Variants in NFKB1 observed in about 807,000 individuals in gnomAD.
The protein encoded by NFKB1 is nuclear factor NF-kappa-B p105 subunit.
Under a neutral mutation model 105.1 loss-of-function variants are expected in NFKB1, and 9 were observed. That is an observed-to-expected ratio of 0.09 (90% CI 0.05 to 0.15). NFKB1 has a LOEUF of 0.15. NFKB1 is among the 10% of genes least tolerant of loss of function. The probability of loss-of-function intolerance (pLI) is 1.00; values close to 1 mark genes in which losing one functional copy is unlikely to be tolerated. For missense variants in NFKB1, 830 were observed against 1,203.7 expected, an observed-to-expected ratio of 0.69 and a Z score of 4.59; for synonymous variants, 440 against 442.2, an observed-to-expected ratio of 1.00 and a Z score of 0.06.
chr4:102,596,377 G>T, intron 14 of NFKB1, 45 bp downstream of exon 14: 2 of 1,524,286 alleles, frequency 1.3e-6, no homozygotes, highest in Non-Finnish European at 1.8e-6. Context: ...GCTGGGGAGG[G>T]GTCAGTCCTA....
In NFKB1 at chr4:102,617,086, TTC is replaced by T. The variant is rs1729006007; in HGVS notation, c.*496_*497del. ...ATATTGCTTTTTCTAATGTGGTTAT[TTC>T]TCTGATTTGCAAAAAAAAAAAAAAA... On this transcript the variant is annotated 3_prime_UTR_variant, in exon 24 of 24. Transcript: ENST00000226574. 1 of 131,376 alleles carries T rather than the reference TTC, an allele frequency of 7.6e-6. No homozygotes were observed. Among genetic ancestry groups the T allele is most frequent in the Non-Finnish European group, 1.6e-5 (1 of 63,104 alleles). The allele number at this position is 131,376 out of a possible 1,614,324, so 8.1% of individuals were successfully genotyped here.
rs1017952420 is a variant in NFKB1, at chr4:102,508,790, G to A, written c.-8+7002G>A. Among the ~76,000 whole-genome samples, 38 of 152,194 alleles carry A rather than the reference G, an allele frequency of 2.5e-4. No individual in the cohort carries two copies. The Middle Eastern group carries it at 0.014, about 54-fold the overall frequency. ...ATAATGAAAGCATAAAGATTTAGGG[G>A]GAAGAGTCCTCTATAAAACTAAGAC... On this transcript the variant is annotated intron_variant, in intron 1 of 23. Coordinates refer to ENST00000226574, the MANE Select transcript of NFKB1 (RefSeq NM_003998.4).
At chr4:102,565,777 C>A (rs1723815668) in intron 5 of NFKB1, among the ~76,000 whole-genome samples, 2 of 151,914 alleles carry the variant, frequency 1.3e-5, no homozygotes, top group African/African-American at 4.8e-5. Flanking sequence ...AAGCTGTGGG[C>A]TGCTTGTACA....
chr4:102,530,700 A>G (rs1233887626), intron 3 of NFKB1, among the ~76,000 whole-genome samples: 2 of 152,148 alleles, frequency 1.3e-5, no homozygotes, highest in African/African-American at 2.4e-5. Flanking sequence ...GCTTGTCTTC[A>G]TTGGGGGACT....
At chr4:102,592,008 G>A (rs140709713) in intron 11 of NFKB1, among the ~76,000 whole-genome samples, 63 of 152,188 alleles carry the variant, frequency 4.1e-4, no homozygotes, top group Non-Finnish European at 7.9e-4. Flanking sequence ...GACATTGAGG[G>A]GTTCAAGGCT....
chr4:102,522,898 C>T (rs1003803347), intron 1 of NFKB1, among the ~76,000 whole-genome samples: 4 of 152,108 alleles, frequency 2.6e-5, no homozygotes, highest in Non-Finnish European at 5.9e-5. Context: ...AATGTTTTTA[C>T]TAGTATTCTT....
intron 1 of NFKB1, among the ~76,000 whole-genome samples, chr4:102,507,071 TATA>T (rs1212985603): frequency 6.7e-6 from 1 of 150,364 alleles, no homozygotes; most frequent in African/African-American, 2.4e-5. Context: ...AATATGTATA[TATA>T]ATATTTTTTG....
intron 16 of NFKB1, among the ~76,000 whole-genome samples, chr4:102,605,077 C>T (rs1254783613): frequency 6.6e-6 from 1 of 151,778 alleles, no homozygotes; most frequent in Non-Finnish European, 1.5e-5. Context: ...ATTTCAGATC[C>T]TTTTTTCACA....
intron 1 of NFKB1, among the ~76,000 whole-genome samples, chr4:102,521,970 T>G (rs1206333550): frequency 2.0e-5 from 3 of 152,208 alleles, no homozygotes; most frequent in Admixed American, 6.5e-5. Context: ...CCTAGAAACC[T>G]CACTACTGGG....
At chr4:102,596,740 G>C (rs537709845) in intron 14 of NFKB1, among the ~76,000 whole-genome samples, 1 of 151,880 alleles carries the variant, frequency 6.6e-6, no homozygotes, top group African/African-American at 2.4e-5. Flanking sequence ...TTTTTATCTT[G>C]TGCCCTCTTT....
chr4:102,612,713 AACCAGTCATTGCCCAAGGCCTGG>A, intron 22 of NFKB1, 107 bp downstream of exon 22: 1 of 1,129,752 alleles, frequency 8.9e-7, no homozygotes, highest in Non-Finnish European at 1.3e-6. Flanking sequence ...TGAAGAAGAA[AACCAGTCATTGCCCAAGGCCTGG>A]GAGGGTGACC....
Position 102,612,119 on chromosome 4 carries a change from T to C in NFKB1, c.2419+9T>C. On this transcript the variant is annotated intron_variant, in intron 21 of 23. Coordinates refer to ENST00000226574, the MANE Select transcript of NFKB1 (RefSeq NM_003998.4). ...TGATTTACTAGCACAAGGTGGGTTG[T>C]GATAAAACCAGATTCTCTTAACCAT... 6.2e-7 allele frequency: 1 copy of C among 1,611,906 alleles called. No homozygotes were observed. Among genetic ancestry groups the C allele is most frequent in the Non-Finnish European group, 8.5e-7 (1 of 1,178,102 alleles).
At position 102,523,572 on chromosome 4, in the gene NFKB1, C is replaced by A. The variant is rs573609573; in HGVS notation, c.-7-1940C>A. ...GGGCTAAACTCTTTGAACAAAGAGA[C>A]CTGACAGTGCATTTGGGTTAAAGAA... On this transcript the variant is annotated intron_variant, in intron 1 of 23. Transcript: ENST00000226574. 1.3e-5 allele frequency among the ~76,000 whole-genome samples: 2 copies of A among 152,136 alleles called. 1 individual carries two copies. Among genetic ancestry groups the A allele is most frequent in the South Asian group, 4.1e-4 (2 of 4,830 alleles).
At chr4:102,539,029 G>A (rs1741821732) in intron 5 of NFKB1, among the ~76,000 whole-genome samples, 1 of 151,962 alleles carries the variant, frequency 6.6e-6, no homozygotes. Flanking sequence ...ACAAGGTCAG[G>A]AGTTCGAGAC....
rs1346487154 is a variant in NFKB1 at position 102,607,223 on chromosome 4, T to C, written c.2028T>C (p.Ala676=). The C allele has an allele frequency of 6.2e-7, 1 of 1,614,208 alleles. No individual in the cohort carries two copies. The highest frequency in any genetic ancestry group is 8.5e-7 in the Non-Finnish European group (1 of 1,180,036). The stretch of plus-strand genomic sequence containing the variant: ...TGCTGCTGCTGGTGGCCGCTGGGGC[T>C]GACGTCAATGCTCAGGAGCAGAAGT... ...PCLLLLVAAG[A]DVNAQEQKSG... is the part of the protein sequence containing the mutation. The change falls in exon 18 of 24, where the codon GCT becomes GCC. Residue 676 remains alanine, a synonymous_variant. Transcript: ENST00000226574.
chr4:102,603,218 G>A (rs901672308), intron 16 of NFKB1, among the ~76,000 whole-genome samples: 5 of 151,902 alleles, frequency 3.3e-5, no homozygotes, highest in African/African-American at 7.2e-5. Context: ...GATTACAGGC[G>A]TGCACCACCA....
At chr4:102,548,563 A>T (rs995733660) in intron 5 of NFKB1, among the ~76,000 whole-genome samples, 1 of 152,218 alleles carries the variant, frequency 6.6e-6, no homozygotes, top group Non-Finnish European at 1.5e-5. Flanking sequence ...GCCAGCTGCC[A>T]TAACAAGTTA....
chr4:102,515,434 T>C (rs963781993), intron 1 of NFKB1, among the ~76,000 whole-genome samples: 30 of 152,068 alleles, frequency 2.0e-4, no homozygotes, highest in African/African-American at 7.0e-4. Flanking sequence ...TACTGGTATG[T>C]TGGGTTTAAG....
chr4:102,521,762 T>C (rs996172280), intron 1 of NFKB1, among the ~76,000 whole-genome samples: 1 of 152,194 alleles, frequency 6.6e-6, no homozygotes, highest in African/African-American at 2.4e-5. Flanking sequence ...TGCTACACTT[T>C]GGTGTTAGTG....
Sources: gnomAD v4.1 joint callset for allele counts (sites outside exome capture counted in the v4.1 genomes callset) on GRCh38, gnomAD v4.1.1 for gene constraint, MANE v1.5 for transcripts, NCBI Gene and HGNC (gene_info 2026-07-23, HGNC 2026-07-21) for gene names.